The following SLC9B1 variants were observed in gnomAD, a reference collection of about 807,000 sequenced individuals.
The protein encoded by SLC9B1 is solute carrier family 9 member B1.
Under a neutral mutation model 51.7 loss-of-function variants are expected in SLC9B1, and 32 were observed. The observed-to-expected ratio is 0.62, with a 90% CI of 0.47 to 0.83. SLC9B1 has a LOEUF of 0.83. Among genes scored for constraint, SLC9B1 ranks in the 40% least tolerant of loss-of-function variants. SLC9B1 has a pLI of 0.00. For missense variants in SLC9B1, 406 were observed against 613.2 expected (o/e 0.66, Z 3.57); for synonymous variants, 145 against 212.7 (o/e 0.68, Z 2.77).
rs187365835 is a variant in SLC9B1, at chr4:102,972,886, G to A, written c.211+16914C>T. ...ATTAATGCATCCTTCAAGATGAAAC[G>A]TGATTTTAATTTTAAAATTAATTTT... On this transcript the variant is annotated intron_variant, in intron 3 of 11. Coordinates refer to ENST00000296422, the MANE Select transcript of SLC9B1 (RefSeq NM_139173.4). Among the ~76,000 whole-genome samples the A allele has an allele frequency of 2.8e-4, 43 of 152,152 alleles. No homozygotes were observed. The East Asian group carries it at 3.9e-3, about 14-fold the overall frequency.
intron 3 of SLC9B1, among the ~76,000 whole-genome samples, chr4:102,975,971 G>A (rs1739050061): frequency 6.6e-6 from 1 of 152,070 alleles, no homozygotes; most frequent in African/African-American, 2.4e-5. Context: ...AAAGGCCCAG[G>A]TCTAAGTCCT....
intron 11 of SLC9B1, among the ~76,000 whole-genome samples, chr4:102,894,018 G>A (rs566756490): frequency 2.0e-3 from 304 of 152,212 alleles, no homozygotes; most frequent in African/African-American, 7.1e-3. Flanking sequence ...GAGTAATACA[G>A]TATGCAAAGA....
chr4:102,928,275 C>G (rs1263142594), intron 7 of SLC9B1, among the ~76,000 whole-genome samples: 1 of 152,208 alleles, frequency 6.6e-6, no homozygotes, highest in Non-Finnish European at 1.5e-5. Flanking sequence ...TCAATCATCT[C>G]TCTCAGTTTC....
chr4:102,955,861 G>GAAAGAAAGAA (rs1737767235), intron 3 of SLC9B1, among the ~76,000 whole-genome samples: 1 of 126,504 alleles, frequency 7.9e-6, no homozygotes, highest in Non-Finnish European at 1.6e-5. Context: ...AAGAAAGAAA[G>GAAAGAAAGAA]AAAGAAAGAA....
At chr4:102,921,389 C>T (rs1735869950) in intron 7 of SLC9B1, among the ~76,000 whole-genome samples, 2 of 152,150 alleles carry the variant, frequency 1.3e-5, no homozygotes, top group Non-Finnish European at 2.9e-5. Context: ...CCAGGCCTGC[C>T]TTACAAGAGC....
intron 6 of SLC9B1, 148 bp from the exon 7 acceptor site, chr4:102,932,447 T>C (rs568994588): frequency 3.3e-4 from 255 of 771,716 alleles, no homozygotes; most frequent in Non-Finnish European, 4.4e-4. Flanking sequence ...TGATAAAACT[T>C]TTCATGCATT....
At chr4:102,919,831 C>G (rs1014312153) in intron 7 of SLC9B1, among the ~76,000 whole-genome samples, 13 of 152,170 alleles carry the variant, frequency 8.5e-5, no homozygotes, top group African/African-American at 2.4e-4. Context: ...GATCCATCTG[C>G]GAGGTGGCAG....
chr4:102,910,318 C>A, intron 9 of SLC9B1, 121 bp downstream of exon 9: 7 of 795,236 alleles, frequency 8.8e-6, no homozygotes, highest in Non-Finnish European at 1.3e-5. Flanking sequence ...GATTCATACA[C>A]TTTCTTGAGG....
At chr4:102,943,911 G>T (rs1215036273) in intron 6 of SLC9B1, among the ~76,000 whole-genome samples, 2 of 152,042 alleles carry the variant, frequency 1.3e-5, no homozygotes, top group Non-Finnish European at 2.9e-5. Context: ...AAAGACATGA[G>T]ATCAACCTAA....
chr4:102,921,032 C>T (rs1367760549), intron 7 of SLC9B1, among the ~76,000 whole-genome samples: 1 of 152,028 alleles, frequency 6.6e-6, no homozygotes, highest in East Asian at 1.9e-4. Flanking sequence ...CAAGGCAGGC[C>T]AACATTCAAA....
At position 102,949,413 on chromosome 4, in the gene SLC9B1, C is replaced by G. The variant is rs1578372463; in HGVS notation, c.226G>C (p.Val76Leu). 39 of 1,593,444 alleles carry G rather than the reference C, an allele frequency of 2.4e-5. 1 individual carries two copies. In the East Asian group the frequency reaches 8.5e-4, roughly 35 times the overall value. ...ATTGACCAGGTCATACACCATATCA[C>G]AAACAGTATAACTCCTGAAATACAA... ...VIITNGVILFVIWCMTWSILG... is the reference protein window; with the variant it reads ...VIITNGVILFLIWCMTWSILG... Residue 76 changes from valine to leucine, a missense_variant, in exon 4 of 12, where the codon GTG (valine) becomes CTG (leucine). Transcript: ENST00000296422.
In SLC9B1 at chr4:102,905,766, T is replaced by C. The variant is rs531532280; in HGVS notation, c.1196-116A>G. 851 of 894,326 alleles carry C rather than the reference T, an allele frequency of 9.5e-4. 1 individual carries two copies. Among genetic ancestry groups the C allele is most frequent in the Middle Eastern group, 4.3e-3 (12 of 2,818 alleles). 55.4% of individuals were successfully genotyped at this position (894,326 alleles called of 1,614,324 possible). A position where few individuals can be genotyped will look rare whatever the true frequency, so the allele number is the denominator to read the frequency against. On this transcript the variant is annotated intron_variant, in intron 10 of 11. Transcript: ENST00000296422. ...ACATTTTAAGGCTATTGTCTCTTCATGTGCTTATTTTTTACATAAAAACAA... is the reference window on the plus strand; with the variant it reads ...ACATTTTAAGGCTATTGTCTCTTCACGTGCTTATTTTTTACATAAAAACAA...
chr4:102,920,337 T>A (rs1735800312), intron 7 of SLC9B1, among the ~76,000 whole-genome samples: 1 of 152,086 alleles, frequency 6.6e-6, no homozygotes, highest in Non-Finnish European at 1.5e-5. Flanking sequence ...GAAGGAAAAC[T>A]AACAAACAGA....
chr4:102,908,709 C>T (rs1320307150), intron 9 of SLC9B1, among the ~76,000 whole-genome samples: 1 of 152,252 alleles, frequency 6.6e-6, no homozygotes, highest in African/African-American at 2.4e-5. Context: ...GAATCCAAAA[C>T]CAAAAAAGGA....
intron 11 of SLC9B1, among the ~76,000 whole-genome samples, chr4:102,905,236 T>TATTTATTTA (rs57674183): frequency 1.3e-5 from 2 of 151,710 alleles, no homozygotes; most frequent in Non-Finnish European, 1.5e-5. Flanking sequence ...TTTATTTATT[T>TATTTATTTA]TTTTGAGATG....
chr4:102,925,888 C>T (rs1271628004), intron 7 of SLC9B1, among the ~76,000 whole-genome samples: 1 of 136,908 alleles, frequency 7.3e-6, no homozygotes, highest in African/African-American at 2.7e-5. Flanking sequence ...CATCAAAAAG[C>T]TTATCCACCA....
intron 1 of SLC9B1, among the ~76,000 whole-genome samples, chr4:103,012,549 T>C (rs1238392769): frequency 1.3e-5 from 2 of 152,262 alleles, no homozygotes; most frequent in African/African-American, 4.8e-5. Flanking sequence ...CTAGCTTTTA[T>C]TCACTACTAG....
intron 7 of SLC9B1, among the ~76,000 whole-genome samples, chr4:102,928,443 C>T (rs988732399): frequency 2.0e-4 from 31 of 152,268 alleles, no homozygotes; most frequent in Non-Finnish European, 3.4e-4. Context: ...ATCAGCAGTT[C>T]GGTCAAAGCC....
At chr4:102,955,078 T>C (rs925696199) in intron 3 of SLC9B1, among the ~76,000 whole-genome samples, 5 of 152,196 alleles carry the variant, frequency 3.3e-5, no homozygotes, top group African/African-American at 1.2e-4. Flanking sequence ...TGCTCCCTGA[T>C]ATGGTTTGGC....
Sources: gnomAD v4.1 joint callset for allele counts (sites outside exome capture counted in the v4.1 genomes callset) on GRCh38, gnomAD v4.1.1 for gene constraint, MANE v1.5 for transcripts, NCBI Gene and HGNC (gene_info 2026-07-23, HGNC 2026-07-21) for gene names.